Variants in EYS observed in about 807,000 individuals in gnomAD.
The protein encoded by EYS is EGF-like photoreceptor maintenance factor, also known as protein eyes shut homolog.
EYS carries 250 observed loss-of-function variants against 282.1 expected under a neutral mutation model. The ratio of observed to expected loss-of-function variants is 0.89; its 90% CI spans 0.80 to 0.98. EYS has a LOEUF of 0.98. Ranked by LOEUF, EYS falls within the 50% of genes least tolerant of loss-of-function variation. EYS has a pLI of 0.00. For synonymous variants in EYS, 1,355 were observed against 1,282.9 expected, an observed-to-expected ratio of 1.06 and a Z score of -1.20; for missense variants, 4,016 against 3,709.0, an observed-to-expected ratio of 1.08 and a Z score of -2.15.
intron 30 of EYS, among the ~76,000 whole-genome samples, chr6:64,231,719 C>T (rs1378111919): frequency 6.6e-6 from 1 of 151,974 alleles, no homozygotes; most frequent in African/African-American, 2.4e-5. Context: ...TTTTTTCTTT[C>T]TCCCTCCACA....
intron 22 of EYS, among the ~76,000 whole-genome samples, chr6:64,738,275 C>A (rs1338352623): frequency 6.6e-6 from 1 of 152,142 alleles, no homozygotes; most frequent in Non-Finnish European, 1.5e-5. Flanking sequence ...TGAATGTGTT[C>A]TCACTCTAAT....
intron 19 of EYS, among the ~76,000 whole-genome samples, chr6:64,838,642 A>AG (rs2150033195): frequency 6.6e-6 from 1 of 150,950 alleles, no homozygotes; most frequent in African/African-American, 2.4e-5. Context: ...ACACACACAC[A>AG]CGCATGCACG....
chr6:64,196,711 A>G (rs1026035503), intron 31 of EYS, among the ~76,000 whole-genome samples: 3 of 138,990 alleles, frequency 2.2e-5, no homozygotes, highest in African/African-American at 8.0e-5. Context: ...ACATGGACAC[A>G]GGAAGGGGAA....
At chr6:64,396,030 A>G (rs1037933902) in intron 28 of EYS, among the ~76,000 whole-genome samples, 2 of 151,998 alleles carry the variant, frequency 1.3e-5, no homozygotes, top group African/African-American at 4.8e-5. Context: ...ATTACTACCT[A>G]GACTACTCCA....
chr6:64,166,258 T>G (rs1270167222), intron 31 of EYS, among the ~76,000 whole-genome samples: 2 of 152,204 alleles, frequency 1.3e-5, no homozygotes, highest in Non-Finnish European at 2.9e-5. Flanking sequence ...CCTTTGCTGA[T>G]ATGACTACTA....
intron 22 of EYS, among the ~76,000 whole-genome samples, chr6:64,703,429 ATTTTT>A (rs1554194865): frequency 4.3e-5 from 1 of 23,366 alleles, no homozygotes; most frequent in Non-Finnish European, 1.1e-4. Flanking sequence ...ATATATATAT[ATTTTT>A]TTTTTTTTTT....
chr6:64,758,593 C>T (rs1161831864), intron 22 of EYS, among the ~76,000 whole-genome samples: 6 of 152,138 alleles, frequency 3.9e-5, no homozygotes, highest in Non-Finnish European at 8.8e-5. Context: ...TTACTTTTCT[C>T]CCTCTAATTA....
intron 33 of EYS, 36 bp downstream of exon 33, chr6:64,066,302 C>T (rs1427401780): frequency 1.3e-6 from 2 of 1,520,898 alleles, no homozygotes; most frequent in East Asian, 5.0e-5. Context: ...AACAAAATTT[C>T]AGCACGAAAG....
In EYS at chr6:64,803,767, G is replaced by A. The variant is rs528411697; in HGVS notation, c.3443+9611C>T. Among the ~76,000 whole-genome samples the A allele has an allele frequency of 1.2e-3, 177 of 152,338 alleles. 1 individual carries two copies. Among genetic ancestry groups the A allele is most frequent in the Non-Finnish European group, 2.0e-3 (137 of 68,030 alleles). On this transcript the variant is annotated intron_variant, in intron 22 of 42. Transcript: ENST00000503581. Reference sequence around the variant, plus strand: ...GGCATGTCAGCATCACCCAAAGCATGGGCACACCTGGCCGGTCCTGACAGT... The same window carrying A: ...GGCATGTCAGCATCACCCAAAGCATAGGCACACCTGGCCGGTCCTGACAGT...
chr6:63,964,489 G>A (rs1443603959), intron 35 of EYS, among the ~76,000 whole-genome samples: 2 of 152,136 alleles, frequency 1.3e-5, no homozygotes, highest in African/African-American at 4.8e-5. Context: ...ACAGGAAAAG[G>A]AACTGTTGAT....
intron 15 of EYS, among the ~76,000 whole-genome samples, chr6:64,937,436 C>G (rs1768945907): frequency 1.3e-5 from 2 of 151,424 alleles, no homozygotes; most frequent in Non-Finnish European, 1.5e-5. Flanking sequence ...TTTCTTACAA[C>G]TAAGATAAAA....
intron 15 of EYS, among the ~76,000 whole-genome samples, chr6:64,921,578 G>A (rs558949971): frequency 3.5e-4 from 53 of 152,266 alleles, no homozygotes; most frequent in Non-Finnish European, 6.0e-4. Context: ...ACTTAGTCAA[G>A]CCGGAGTCCA....
intron 19 of EYS, among the ~76,000 whole-genome samples, chr6:64,828,391 A>G (rs911537610): frequency 6.6e-6 from 1 of 151,930 alleles, no homozygotes; most frequent in Non-Finnish European, 1.5e-5. Context: ...ACTCTGTAGC[A>G]GTTTCAGGCA....
intron 19 of EYS, among the ~76,000 whole-genome samples, chr6:64,853,519 T>C (rs1765952533): frequency 2.0e-5 from 3 of 152,292 alleles, no homozygotes; most frequent in Middle Eastern, 6.8e-3. Flanking sequence ...GTACAAACTT[T>C]AATAATTACT....
chr6:65,483,227 T>C (rs1208687312), intron 5 of EYS, among the ~76,000 whole-genome samples: 2 of 152,120 alleles, frequency 1.3e-5, no homozygotes, highest in African/African-American at 4.8e-5. Flanking sequence ...TTTCACAATA[T>C]GTGAAATATC....
intron 29 of EYS, among the ~76,000 whole-genome samples, chr6:64,386,307 G>A (rs1368400841): frequency 1.3e-5 from 2 of 152,212 alleles, no homozygotes; most frequent in Non-Finnish European, 2.9e-5. Context: ...ATAAAGGAAA[G>A]AGGTTTAATT....
chr6:65,043,236 A>G (rs1483383685), intron 13 of EYS, among the ~76,000 whole-genome samples: 1 of 151,554 alleles, frequency 6.6e-6, no homozygotes, highest in African/African-American at 2.4e-5. Context: ...AGTTACTCTT[A>G]TTTTGAAATA....
chr6:64,576,380 G>GT (rs1372775196), intron 26 of EYS, among the ~76,000 whole-genome samples: 10 of 152,048 alleles, frequency 6.6e-5, no homozygotes, highest in Non-Finnish European at 1.5e-4. Flanking sequence ...CGTTAAAGAA[G>GT]TGAAGTGACT....
chr6:63,908,446 T>G (rs1006924439), intron 35 of EYS, among the ~76,000 whole-genome samples: 7 of 152,100 alleles, frequency 4.6e-5, no homozygotes, highest in Admixed American at 1.3e-4. Context: ...GCATTATTTT[T>G]GTTTGTTCTT....
Sources: gnomAD v4.1 joint callset for allele counts (sites outside exome capture counted in the v4.1 genomes callset) on GRCh38, gnomAD v4.1.1 for gene constraint, MANE v1.5 for transcripts, NCBI Gene and HGNC (gene_info 2026-07-23, HGNC 2026-07-21) for gene names.